Variants in GDAP1 observed in about 807,000 individuals in gnomAD.
The protein encoded by GDAP1 is ganglioside induced differentiation associated protein 1.
GDAP1 carries 34 observed loss-of-function variants against 40.1 expected under a neutral mutation model. The ratio of observed to expected loss-of-function variants is 0.85; its 90% confidence interval spans 0.64 to 1.13. The LOEUF (loss-of-function observed/expected upper bound fraction) is 1.13, where lower values mean the gene tolerates loss of function less well. Ranked by LOEUF, GDAP1 falls within the 50% of genes most tolerant of loss-of-function variation. The pLI is 0.00. For synonymous variants in GDAP1, 170 were observed against 157.4 expected (o/e 1.08, Z -0.60); for missense variants, 374 against 433.7 (o/e 0.86, Z 1.22).
intron 2 of GDAP1, among the ~76,000 whole-genome samples, chr8:74,395,675 C>G (rs1252427757): frequency 1.3e-5 from 2 of 152,132 alleles, no homozygotes; most frequent in East Asian, 3.8e-4. Flanking sequence ...GTGGAAAACT[C>G]TAACATGGGA....
intron 2 of GDAP1, among the ~76,000 whole-genome samples, chr8:74,356,674 GTGTGTGTGTGTGTGTGTT>G (rs1280643959): frequency 1.1e-4 from 15 of 138,846 alleles, no homozygotes; most frequent in African/African-American, 4.0e-4. Flanking sequence ...GTGTGTGTGT[GTGTGTGTGTGTGTGTGTT>G]TGTGTGTGTG....
In GDAP1 at chr8:74,366,603, A is replaced by G. The variant is rs1809648314; in HGVS notation, c.*2236A>G. On this transcript the variant is annotated 3_prime_UTR_variant, in exon 6 of 6. Coordinates refer to ENST00000220822, the MANE Select transcript of GDAP1 (RefSeq NM_018972.4). ...ATCAATTTCCAAAATTTGTATAAATATCACAATTAGAAAAATGCCTGAGGT... is the reference window on the plus strand; with the variant it reads ...ATCAATTTCCAAAATTTGTATAAATGTCACAATTAGAAAAATGCCTGAGGT... 1 of 453,740 alleles carries G rather than the reference A, an allele frequency of 2.2e-6. No individual in the cohort carries two copies. The highest frequency in any genetic ancestry group is 4.4e-6 in the Non-Finnish European group (1 of 226,652). The allele number at this position is 453,740 out of a possible 1,614,324, so 28.1% of individuals were successfully genotyped here. A position where few individuals can be genotyped will look rare whatever the true frequency, so the allele number is the denominator to read the frequency against.
chr8:74,488,498 T>G (rs1157118818), intron 2 of GDAP1, among the ~76,000 whole-genome samples: 1 of 152,196 alleles, frequency 6.6e-6, no homozygotes. Context: ...TGGCTGTGGT[T>G]TCTAATGGTG....
At chr8:74,420,572 A>T (rs1282212569) in intron 2 of GDAP1, among the ~76,000 whole-genome samples, 1 of 152,148 alleles carries the variant, frequency 6.6e-6, no homozygotes, top group Non-Finnish European at 1.5e-5. Flanking sequence ...CAGCAGTAAC[A>T]ACACCTGCAG....
intron 2 of GDAP1, among the ~76,000 whole-genome samples, chr8:74,386,365 A>T (rs147437285): frequency 6.6e-6 from 1 of 152,226 alleles, no homozygotes; most frequent in East Asian, 1.9e-4. Flanking sequence ...TAATTTTTGT[A>T]TAAGGTGTAA....
Position 74,478,102 on chromosome 8 carries a change from G to A in GDAP1, c.166-10576G>A, listed in dbSNP as rs544216920. Among the ~76,000 whole-genome samples the A allele has an allele frequency of 2.6e-5, 4 of 151,568 alleles. No homozygotes were observed. The South Asian group carries it at 8.4e-4, about 32-fold the overall frequency. On this transcript the variant is annotated intron_variant, in intron 2 of 2. Transcript: ENST00000523640. ...GGCAGCAGTGTTAGCACAGGCACAGGGTGCTGGTGGGGTGGTGGGGGTGGG... is the reference window on the plus strand; with the variant it reads ...GGCAGCAGTGTTAGCACAGGCACAGAGTGCTGGTGGGGTGGTGGGGGTGGG...
chr8:74,400,595 G>A (rs1278830072), intron 2 of GDAP1, among the ~76,000 whole-genome samples: 1 of 150,024 alleles, frequency 6.7e-6, no homozygotes, highest in African/African-American at 2.5e-5. Context: ...TCCTGTCATT[G>A]TGATGTTAGC....
At chr8:74,479,114 C>A (rs763096150) in intron 2 of GDAP1, among the ~76,000 whole-genome samples, 50 of 152,192 alleles carry the variant, frequency 3.3e-4, no homozygotes, top group Middle Eastern at 3.4e-3. Context: ...AGTTAAATGC[C>A]GAAATTTTTT....
intron 2 of GDAP1, among the ~76,000 whole-genome samples, chr8:74,469,670 A>G (rs1157572234): frequency 7.2e-6 from 1 of 137,934 alleles, no homozygotes; most frequent in Non-Finnish European, 1.5e-5. Flanking sequence ...CTCCGTCTCA[A>G]AAAAAAAAAA....
chr8:74,369,275 CTGT>C (rs1353320766), downstream of GDAP1, among the ~76,000 whole-genome samples: 1 of 151,898 alleles, frequency 6.6e-6, no homozygotes. Context: ...AGTTATAGGA[CTGT>C]TGTTGAAAAA....
At chr8:74,368,115 G>C (rs1809691379), downstream of GDAP1, among the ~76,000 whole-genome samples, 1 of 152,150 alleles carries the variant, frequency 6.6e-6, no homozygotes, top group African/African-American at 2.4e-5. Flanking sequence ...TAATTACAAA[G>C]TGCTGTCATT....
intron 2 of GDAP1, among the ~76,000 whole-genome samples, chr8:74,443,677 T>C (rs1384905587): frequency 2.0e-5 from 3 of 152,126 alleles, no homozygotes; most frequent in Non-Finnish European, 4.4e-5. Flanking sequence ...ATGGTCATGA[T>C]CCAGAACCCG....
chr8:74,371,774 A>T (rs908838395), downstream of GDAP1, among the ~76,000 whole-genome samples: 1 of 144,944 alleles, frequency 6.9e-6, no homozygotes, highest in East Asian at 2.1e-4. Context: ...AAAATTTTTT[A>T]TTTTTTTTTA....
chr8:74,361,824 T>C (rs1247546033), intron 3 of GDAP1, 60 bp from the exon 4 acceptor site: 5 of 934,380 alleles, frequency 5.4e-6, no homozygotes, highest in Non-Finnish European at 8.9e-6. Flanking sequence ...CTGCTTCTCC[T>C]TGTTACTGGT....
At chr8:74,471,966 C>A (rs1286752178) in intron 2 of GDAP1, among the ~76,000 whole-genome samples, 1 of 152,002 alleles carries the variant, frequency 6.6e-6, no homozygotes, top group Non-Finnish European at 1.5e-5. Flanking sequence ...ATTTTAGGTT[C>A]AGGAATACAT....
intron 2 of GDAP1, among the ~76,000 whole-genome samples, chr8:74,422,551 A>C (rs1483685461): frequency 8.5e-6 from 1 of 117,230 alleles, no homozygotes; most frequent in Non-Finnish European, 1.7e-5. Context: ...TTCTCTCTCA[A>C]ACAGCTCTGA....
intron 2 of GDAP1, among the ~76,000 whole-genome samples, chr8:74,380,502 CT>C (rs5892455): frequency 0.026 from 3,907 of 149,026 alleles, 162 homozygotes; most frequent in African/African-American, 0.088. Flanking sequence ...CCTACAGAGT[CT>C]TTTTTTTTTT....
chr8:74,364,844 G>A lies in GDAP1; in HGVS notation c.*477G>A. The A allele has an allele frequency of 4.4e-6, 2 of 454,440 alleles. No homozygotes were observed. Among genetic ancestry groups the A allele is most frequent in the Non-Finnish European group, 8.8e-6 (2 of 227,046 alleles). The allele number at this position is 454,440 out of a possible 1,614,324, so 28.2% of individuals were successfully genotyped here. On this transcript the variant is annotated 3_prime_UTR_variant, in exon 6 of 6. Transcript: ENST00000220822. ...TTTGACCTCAGTGTTAATTTTAAATGCTTATGAATCACACACATTGCTTTA... is the reference window on the plus strand; with the variant it reads ...TTTGACCTCAGTGTTAATTTTAAATACTTATGAATCACACACATTGCTTTA...
At chr8:74,449,491 G>A (rs1385204243) in intron 2 of GDAP1, among the ~76,000 whole-genome samples, 1 of 151,764 alleles carries the variant, frequency 6.6e-6, no homozygotes, top group Non-Finnish European at 1.5e-5. Context: ...TTAGGTCTTA[G>A]ATTTTTCTAA....
Sources: allele counts gnomAD v4.1 joint callset (sites outside exome capture counted in the v4.1 genomes callset), GRCh38; gene constraint gnomAD v4.1.1; transcripts MANE v1.5; gene names NCBI Gene and HGNC (gene_info 2026-07-23, HGNC 2026-07-21).